Variants in MLYCD observed in about 807,000 individuals in gnomAD.
MLYCD encodes malonyl-CoA decarboxylase, mitochondrial.
Under a neutral mutation model 35.8 loss-of-function variants are expected in MLYCD, and 27 were observed. The observed-to-expected ratio is 0.75, with a 90% CI of 0.56 to 1.04. MLYCD has a LOEUF of 1.04. Among genes scored for constraint, MLYCD ranks in the 50% least tolerant of loss-of-function variants. MLYCD has a pLI of 0.00. For missense variants in MLYCD, 917 were observed against 665.1 expected (o/e 1.38, Z -4.17); for synonymous variants, 403 against 302.4 (o/e 1.33, Z -3.45).
chr16:83,924,266 A>T lies in MLYCD; in HGVS notation c.*8777A>T, dbSNP rs1907740442. 1 of 151,894 alleles carries T rather than the reference A, an allele frequency of 6.6e-6. No homozygotes were observed. Among genetic ancestry groups the T allele is most frequent in the Non-Finnish European group, 1.5e-5 (1 of 68,028 alleles). 9.4% of individuals were successfully genotyped at this position (151,894 alleles called of 1,614,324 possible). ...GGTTGGCCCGGTTTGGAGATGGGGGATCTGGCCCTGTGGTGAGTGCACCCA... is the reference window on the plus strand; with the variant it reads ...GGTTGGCCCGGTTTGGAGATGGGGGTTCTGGCCCTGTGGTGAGTGCACCCA... On this transcript the variant is annotated 3_prime_UTR_variant, in exon 5 of 5. Coordinates refer to ENST00000262430, the MANE Select transcript of MLYCD (RefSeq NM_012213.3).
chr16:83,908,290 C>G lies in MLYCD; in HGVS notation c.798+8C>G. On this transcript the variant is annotated splice_region_variant and intron_variant, in intron 3 of 4. Transcript: ENST00000262430. ...ATCTCCAGCAACATCCAGGTACCTGCGATGGTCAATTCGGGACAAGATGGG... is the reference window on the plus strand; with the variant it reads ...ATCTCCAGCAACATCCAGGTACCTGGGATGGTCAATTCGGGACAAGATGGG... 2 of 1,613,626 alleles carry G rather than the reference C, an allele frequency of 1.2e-6. No individual in the cohort carries two copies. Among genetic ancestry groups the G allele is most frequent in the African/African-American group, 2.7e-5 (2 of 74,908 alleles).
In MLYCD at chr16:83,922,677, A is replaced by G. The variant is rs921507723; in HGVS notation, c.*7188A>G. ...GGCTCAAAGGAGACGATGTATATAA[A>G]GCAGTTAACTGATGCCTGCCCTGGG... On this transcript the variant is annotated 3_prime_UTR_variant, in exon 5 of 5. Transcript: ENST00000262430. 10 of 152,414 alleles carry G rather than the reference A, an allele frequency of 6.6e-5. No individual in the cohort carries two copies. Among genetic ancestry groups the G allele is most frequent in the Middle Eastern group, 3.4e-3 (1 of 296 alleles). 9.4% of individuals were successfully genotyped at this position (152,414 alleles called of 1,614,324 possible). A position where few individuals can be genotyped will look rare whatever the true frequency, so the allele number is the denominator to read the frequency against.
chr16:83,920,247 GTT>G lies in MLYCD; in HGVS notation c.*4760_*4761del, dbSNP rs1907607378. 2.0e-5 allele frequency: 3 copies of G among 152,312 alleles called. No homozygotes were observed. In the South Asian group the frequency reaches 6.2e-4, roughly 32 times the overall value. The allele number at this position is 152,312 out of a possible 1,614,324, so 9.4% of individuals were successfully genotyped here. On this transcript the variant is annotated 3_prime_UTR_variant, in exon 5 of 5. Coordinates refer to ENST00000262430, the MANE Select transcript of MLYCD (RefSeq NM_012213.3). ...CACAGCCATTCATAGAGCCCATTCTGTTTGCGATAAAAACAGATCTCCTCCAG... is the reference window on the plus strand; with the variant it reads ...CACAGCCATTCATAGAGCCCATTCTGTGCGATAAAAACAGATCTCCTCCAG...
Position 83,922,464 on chromosome 16 carries a change from T to A in MLYCD, c.*6975T>A, listed in dbSNP as rs1048035968. ...CACCTGTTCATGGGCTCCTTTTTCT[T>A]CTGAAATGCAGCGTGAGGCACCATG... On this transcript the variant is annotated 3_prime_UTR_variant, in exon 5 of 5. Coordinates refer to ENST00000262430, the MANE Select transcript of MLYCD (RefSeq NM_012213.3). The A allele has an allele frequency of 6.6e-6, 1 of 152,268 alleles. No individual in the cohort carries two copies. Among genetic ancestry groups the A allele is most frequent in the Non-Finnish European group, 1.5e-5 (1 of 68,106 alleles). The allele number at this position is 152,268 out of a possible 1,614,324, so 9.4% of individuals were successfully genotyped here.
Position 83,906,560 on chromosome 16 carries a change from A to G in MLYCD, c.529-427A>G, listed in dbSNP as rs1404598304. On this transcript the variant is annotated intron_variant, in intron 1 of 4. Transcript: ENST00000262430. Reference sequence around the variant, plus strand: ...AAATGTAGGCGTAATGTTTTGACGTATCAAAGAAGGTTCCCGAGAGGATGA... The same window carrying G: ...AAATGTAGGCGTAATGTTTTGACGTGTCAAAGAAGGTTCCCGAGAGGATGA... Among the ~76,000 whole-genome samples the G allele has an allele frequency of 2.0e-5, 3 of 152,208 alleles. No homozygotes were observed. In the East Asian group the frequency reaches 5.8e-4, roughly 29 times the overall value.
rs1160498562 is a variant in MLYCD, at chr16:83,917,593, G to A, written c.*2104G>A. 6.6e-6 allele frequency: 1 copy of A among 152,446 alleles called. No individual in the cohort carries two copies. The highest frequency in any genetic ancestry group is 1.5e-5 in the Non-Finnish European group (1 of 68,052). 9.4% of individuals were successfully genotyped at this position (152,446 alleles called of 1,614,324 possible). On this transcript the variant is annotated 3_prime_UTR_variant, in exon 5 of 5. Coordinates refer to ENST00000262430, the MANE Select transcript of MLYCD (RefSeq NM_012213.3). ...TCGCGGGAGCTGTCTCATGCCTCTT[G>A]TTCTCCGGGCTGATTCTGAAAGAGT...
rs1351836929 is a variant in MLYCD, at chr16:83,921,687, T to A, written c.*6198T>A. ...TGTTACAAACCTCTTATCATCTGTTTACGTCTCACTCTTACTGTAGAACCT... is the reference window on the plus strand; with the variant it reads ...TGTTACAAACCTCTTATCATCTGTTAACGTCTCACTCTTACTGTAGAACCT... On this transcript the variant is annotated 3_prime_UTR_variant, in exon 5 of 5. Coordinates refer to ENST00000262430, the MANE Select transcript of MLYCD (RefSeq NM_012213.3). The A allele has an allele frequency of 6.6e-6, 1 of 152,222 alleles. No homozygotes were observed. The highest frequency in any genetic ancestry group is 2.4e-5 in the African/African-American group (1 of 41,452). The allele number at this position is 152,222 out of a possible 1,614,324, so 9.4% of individuals were successfully genotyped here.
At chr16:83,899,834 T>C (rs1257058626) in intron 1 of MLYCD, among the ~76,000 whole-genome samples, 162 bp downstream of exon 1, 1 of 152,204 alleles carries the variant, frequency 6.6e-6, no homozygotes, top group Non-Finnish European at 1.5e-5. Flanking sequence ...CTTCCCACGC[T>C]GTCTGAGTCC....
At chr16:83,909,223 A>G (rs1283158006) in intron 3 of MLYCD, among the ~76,000 whole-genome samples, 2 of 151,972 alleles carry the variant, frequency 1.3e-5, no homozygotes, top group African/African-American at 2.4e-5. Flanking sequence ...TGGCCTAACA[A>G]TTCCACTCCT....
In MLYCD at chr16:83,924,685, A is replaced by G. The variant is rs1347559540; in HGVS notation, c.*9196A>G. ...CTTCAAAGATGCCAGAGCCATGTTTATTTAAGCGGCGCTGCTCCAGAGAGA... is the reference window on the plus strand; with the variant it reads ...CTTCAAAGATGCCAGAGCCATGTTTGTTTAAGCGGCGCTGCTCCAGAGAGA... On this transcript the variant is annotated 3_prime_UTR_variant, in exon 5 of 5. Coordinates refer to ENST00000262430, the MANE Select transcript of MLYCD (RefSeq NM_012213.3). The G allele has an allele frequency of 2.0e-5, 3 of 152,168 alleles. No individual in the cohort carries two copies. Among genetic ancestry groups the G allele is most frequent in the Non-Finnish European group, 4.4e-5 (3 of 68,038 alleles). The allele number at this position is 152,168 out of a possible 1,614,324, so 9.4% of individuals were successfully genotyped here. A position where few individuals can be genotyped will look rare whatever the true frequency, so the allele number is the denominator to read the frequency against.
intron 3 of MLYCD, chr16:83,911,995 C>A: frequency 1.7e-6 from 1 of 592,058 alleles, no homozygotes; most frequent in Non-Finnish European, 3.0e-6. Context: ...AGAAACGATG[C>A]AGTGCTGAGG....
At position 83,915,301 on chromosome 16, in the gene MLYCD, C is replaced by T. The variant is rs35124955; in HGVS notation, c.1294C>T (p.Arg432Cys). Residue 432 changes from arginine (R) to cysteine (C), a missense_variant, in exon 5 of 5, where the codon CGC becomes TGC. Physicochemically the swap from Arg to Cys is radical, Grantham distance 180 (BLOSUM62 -3). Coordinates refer to ENST00000262430, the MANE Select transcript of MLYCD (RefSeq NM_012213.3). ...FHLQNGAVLW[R>C]INWMADVSLR... Reference sequence around the variant, plus strand: ...CCTGCAGAACGGGGCGGTGCTGTGGCGCATCAACTGGATGGCGGATGTGAG... The same window carrying T: ...CCTGCAGAACGGGGCGGTGCTGTGGTGCATCAACTGGATGGCGGATGTGAG... The T allele has an allele frequency of 3.4e-4, 556 of 1,613,708 alleles. 1 individual carries two copies. The highest frequency in any genetic ancestry group is 6.6e-4 in the Middle Eastern group (4 of 6,062).
chr16:83,906,107 C>T (rs999626286), intron 1 of MLYCD, among the ~76,000 whole-genome samples: 12 of 152,244 alleles, frequency 7.9e-5, no homozygotes, highest in African/African-American at 2.6e-4. Context: ...CCAGTTACGG[C>T]GGGGCACAGT....
intron 3 of MLYCD, among the ~76,000 whole-genome samples, chr16:83,910,551 G>A (rs780912342): frequency 4.6e-5 from 7 of 152,068 alleles, no homozygotes; most frequent in African/African-American, 9.7e-5. Flanking sequence ...TTAGCCGGGT[G>A]TGGTGGTGTG....
intron 3 of MLYCD, among the ~76,000 whole-genome samples, chr16:83,911,043 C>G (rs1271226588): frequency 6.6e-6 from 1 of 152,160 alleles, no homozygotes; most frequent in African/African-American, 2.4e-5. Flanking sequence ...GTGGCATGAT[C>G]TCGGCTCCCT....
intron 1 of MLYCD, among the ~76,000 whole-genome samples, chr16:83,900,582 A>ATTTTTTTTTTTT (rs1156957811): frequency 8.3e-6 from 1 of 121,066 alleles, no homozygotes; most frequent in African/African-American, 3.2e-5. Flanking sequence ...TGCCCGGCTA[A>ATTTTTTTTTTTT]TTTTTTTTTT....
rs1189291697 is a variant in MLYCD at position 83,925,042 on chromosome 16, C to G, written c.*9553C>G. On this transcript the variant is annotated 3_prime_UTR_variant, in exon 5 of 5. Coordinates refer to ENST00000262430, the MANE Select transcript of MLYCD (RefSeq NM_012213.3). Reference sequence around the variant, plus strand: ...TACCGATAGCAAGGGCACTAGTGCCCCTGTTTGCCGGGGACAGGCCCTGTC... The same window carrying G: ...TACCGATAGCAAGGGCACTAGTGCCGCTGTTTGCCGGGGACAGGCCCTGTC... 2.0e-5 allele frequency: 3 copies of G among 152,328 alleles called. No homozygotes were observed. Among genetic ancestry groups the G allele is most frequent in the African/African-American group, 4.8e-5 (2 of 41,462 alleles). The allele number at this position is 152,328 out of a possible 1,614,324, so 9.4% of individuals were successfully genotyped here.
chr16:83,912,148 AGCAACAGGCTT>A, intron 3 of MLYCD, 59 bp from the exon 4 acceptor site: 1 of 1,603,676 alleles, frequency 6.2e-7, no homozygotes, highest in South Asian at 1.1e-5. Context: ...TTCTCGTCCC[AGCAACAGGCTT>A]GCCTCGTGGG....
At position 83,907,053 on chromosome 16, in the gene MLYCD, C is replaced by T. The variant is rs770701008; in HGVS notation, c.595C>T (p.Arg199Trp). The change falls in exon 2 of 5, where the codon CGG (arginine) becomes TGG (tryptophan). Residue 199 changes from arginine to tryptophan, a missense_variant. Physicochemically the swap from Arg to Trp is moderately radical, Grantham distance 101 (BLOSUM62 -3). Coordinates refer to ENST00000262430, the MANE Select transcript of MLYCD (RefSeq NM_012213.3). ...WFSSGFLNLE[R>W]VTWHSPCEVL... ...TTCCTCCGGGTTCCTGAACCTAGAA[C>T]GGGTTACCTGGCATTCACCGTGTGA... 3 of 1,614,154 alleles carry T rather than the reference C, an allele frequency of 1.9e-6. No individual in the cohort carries two copies. The highest frequency in any genetic ancestry group is 1.6e-4 in the Middle Eastern group (1 of 6,062).
Sources: gnomAD v4.1 joint callset for allele counts (sites outside exome capture counted in the v4.1 genomes callset) on GRCh38, gnomAD v4.1.1 for gene constraint, MANE v1.5 for transcripts, NCBI Gene and HGNC (gene_info 2026-07-23, HGNC 2026-07-21) for gene names.